NPIPB11: variants seen among roughly 807,000 people sequenced by gnomAD.
The protein encoded by NPIPB11 is nuclear pore complex-interacting protein family member B11.
A neutral mutation model predicts 32.8 loss-of-function variants in NPIPB11; 17 were observed. The ratio of observed to expected loss-of-function variants is 0.52; its 90% CI spans 0.35 to 0.78. NPIPB11 has a LOEUF of 0.78. NPIPB11 is among the 30% of genes least tolerant of loss of function. NPIPB11 has a pLI of 0.01. For synonymous variants in NPIPB11, 209 were observed against 398.4 expected (o/e 0.52, Z 5.66); for missense variants, 537 against 1,000.4 (o/e 0.54, Z 6.25).
In NPIPB11 at chr16:29,393,219, T is replaced by C. The variant is rs1596677479; in HGVS notation, c.249+729A>G. Among the ~76,000 whole-genome samples, 9 of 151,490 alleles carry C rather than the reference T, an allele frequency of 5.9e-5. 1 individual carries two copies. The highest frequency in any genetic ancestry group is 2.2e-4 in the African/African-American group (9 of 40,944). ...CCAGACACACTTTTCATTGATTCTC[T>C]TGGAGGGCAGTTCTAAGAGTCTCTG... is the stretch of plus-strand genomic sequence containing the variant. On this transcript the variant is annotated intron_variant, in intron 3 of 7. Transcript: ENST00000524087.
chr16:29,394,746 G>C (rs1385627309), intron 2 of NPIPB11, among the ~76,000 whole-genome samples: 1 of 149,252 alleles, frequency 6.7e-6, no homozygotes, highest in Non-Finnish European at 1.5e-5. Context: ...TTTTGTTTTT[G>C]TTTTTGTTTG....
intron 2 of NPIPB11, among the ~76,000 whole-genome samples, chr16:29,401,594 A>T (rs1963992853): frequency 1.3e-5 from 2 of 152,108 alleles, no homozygotes; most frequent in African/African-American, 4.8e-5. Context: ...GGCTGACACC[A>T]TATGACAGCC....
At chr16:29,402,724 C>CTCTCTGTGTGTG (rs1449821025) in intron 2 of NPIPB11, among the ~76,000 whole-genome samples, 42 of 119,668 alleles carry the variant, frequency 3.5e-4, no homozygotes, top group South Asian at 2.4e-3. Flanking sequence ...CTCTCTCTCT[C>CTCTCTGTGTGTG]TGTGTGTGTG....
At chr16:29,394,488 G>A (rs1963802325) in intron 2 of NPIPB11, among the ~76,000 whole-genome samples, 1 of 150,022 alleles carries the variant, frequency 6.7e-6, no homozygotes, top group Non-Finnish European at 1.5e-5. Context: ...AGGCTGGAGT[G>A]AAGTGGTGCA....
rs1258995832 is a variant in NPIPB11, at chr16:29,392,735, GA to G, written c.249+1212del. On this transcript the variant is annotated intron_variant, in intron 3 of 7. Transcript: ENST00000524087. ...GGGGTGAGAAAAGAAAAAAAAAAAA[GA>G]AAAAAGCTTCCTCCAATTTATACCG... is the stretch of plus-strand genomic sequence containing the variant. 3.6e-5 allele frequency among the ~76,000 whole-genome samples: 5 copies of G among 138,580 alleles called. No homozygotes were observed. The East Asian group carries it at 6.3e-4, about 17-fold the overall frequency. 90.9% of individuals were successfully genotyped at this position (138,580 alleles called of 152,430 possible).
intron 3 of NPIPB11, 145 bp from the exon 4 acceptor site, chr16:29,390,493 A>C: frequency 1.6e-6 from 2 of 1,265,662 alleles, no homozygotes. Flanking sequence ...TCTCTACTAA[A>C]AATACAAAAA....
At chr16:29,404,699 G>A (rs1178950634), upstream of NPIPB11, among the ~76,000 whole-genome samples, 11 of 151,098 alleles carry the variant, frequency 7.3e-5, no homozygotes, top group South Asian at 4.2e-4. Context: ...TCACCTAAGG[G>A]CTTTTGTATT....
intron 3 of NPIPB11, among the ~76,000 whole-genome samples, chr16:29,391,708 T>C (rs1014046406): frequency 2.0e-5 from 3 of 152,152 alleles, no homozygotes; most frequent in African/African-American, 7.2e-5. Context: ...CCTATGAATC[T>C]CCTGAGGTAG....
At chr16:29,401,257 A>ATGT (rs1963985011) in intron 2 of NPIPB11, among the ~76,000 whole-genome samples, 1 of 152,070 alleles carries the variant, frequency 6.6e-6, no homozygotes, top group African/African-American at 2.4e-5. Flanking sequence ...AGGAACTAAA[A>ATGT]TGTTGGAATT....
chr16:29,388,880 T>C (rs1963633593), intron 5 of NPIPB11, among the ~76,000 whole-genome samples: 1 of 127,428 alleles, frequency 7.8e-6, no homozygotes, highest in Non-Finnish European at 1.6e-5. Flanking sequence ...CTGGCCAACA[T>C]GGTGAACCCG....
intron 2 of NPIPB11, among the ~76,000 whole-genome samples, chr16:29,396,421 G>C (rs1963853401): frequency 6.6e-6 from 1 of 150,554 alleles, no homozygotes; most frequent in Non-Finnish European, 1.5e-5. Flanking sequence ...TGATAAGAAA[G>C]AGACTGGCTG....
At chr16:29,383,820 T>G (rs1963559195) in exon 8 of NPIPB11, 1 of 1,265,518 alleles carries the variant, frequency 7.9e-7, no homozygotes, top group Admixed American at 2.1e-5. Context: ...GGCAGTTGTC[T>G]TGATATTATC....
chr16:29,401,338 T>A (rs1438836528), intron 2 of NPIPB11, among the ~76,000 whole-genome samples: 1 of 152,168 alleles, frequency 6.6e-6, no homozygotes, highest in Non-Finnish European at 1.5e-5. Context: ...CTGGGGTAAC[T>A]GAGGCAGTCA....
At chr16:29,391,367 G>C (rs1256917132) in intron 3 of NPIPB11, among the ~76,000 whole-genome samples, 2 of 147,782 alleles carry the variant, frequency 1.4e-5, no homozygotes, top group East Asian at 3.9e-4. Context: ...TTTTACCACA[G>C]GTTAACATGT....
At chr16:29,399,646 C>T (rs1390829991) in intron 2 of NPIPB11, among the ~76,000 whole-genome samples, 6 of 151,898 alleles carry the variant, frequency 4.0e-5, no homozygotes, top group African/African-American at 7.3e-5. Context: ...TGCAGTGAGC[C>T]GAGATTGCAC....
intron 2 of NPIPB11, among the ~76,000 whole-genome samples, chr16:29,394,732 AT>A (rs901775371): frequency 1.5e-4 from 22 of 151,336 alleles, no homozygotes; most frequent in African/African-American, 4.6e-4. Flanking sequence ...GTGCCCAGCC[AT>A]TTTTTTGTTT....
At chr16:29,394,110 C>G (rs779265535) in intron 2 of NPIPB11, 34 bp from the exon 3 acceptor site, 2 of 1,589,812 alleles carry the variant, frequency 1.3e-6, no homozygotes, top group Non-Finnish European at 8.5e-7. Context: ...ATGAAAAGGT[C>G]AATGACACTG....
chr16:29,397,732 C>T, intron 2 of NPIPB11: 1 of 280,930 alleles, frequency 3.6e-6, no homozygotes, highest in Non-Finnish European at 6.4e-6. Flanking sequence ...GGGGACCGGG[C>T]CCGGATCTGA....
chr16:29,399,946 A>T (rs1596683057), intron 2 of NPIPB11, among the ~76,000 whole-genome samples: 2 of 149,786 alleles, frequency 1.3e-5, no homozygotes, highest in Admixed American at 1.3e-4. Flanking sequence ...GCACGGTGGC[A>T]CCCGCCTGTA....
Sources: gnomAD v4.1 joint callset for allele counts (sites outside exome capture counted in the v4.1 genomes callset) on GRCh38, gnomAD v4.1.1 for gene constraint, MANE v1.5 for transcripts, NCBI Gene and HGNC (gene_info 2026-07-23, HGNC 2026-07-21) for gene names.